The following GPR158 variants were observed in gnomAD, a reference collection of about 807,000 sequenced individuals.
The protein encoded by GPR158 is G protein-coupled receptor 158, also known as metabotropic glycine receptor.
Under a neutral mutation model 78.2 loss-of-function variants are expected in GPR158, and 30 were observed. The ratio of observed to expected loss-of-function variants is 0.38; its 90% CI spans 0.29 to 0.52. The LOEUF is 0.52. GPR158 is among the 20% of genes least tolerant of loss of function. The probability of loss-of-function intolerance (pLI) is 0.83; values close to 1 mark genes in which losing one functional copy is unlikely to be tolerated. For synonymous variants in GPR158, 581 were observed against 591.1 expected (o/e 0.98, Z 0.25); for missense variants, 1,463 against 1,523.5 (o/e 0.96, Z 0.66).
At chr10:25,361,118 A>G (rs933193624) in intron 2 of GPR158, among the ~76,000 whole-genome samples, 1 of 151,676 alleles carries the variant, frequency 6.6e-6, no homozygotes, top group African/African-American at 2.4e-5. Flanking sequence ...GGTAATAACC[A>G]TTCTACTACT....
chr10:25,324,393 A>T (rs572324804), intron 2 of GPR158, among the ~76,000 whole-genome samples: 2 of 152,318 alleles, frequency 1.3e-5, no homozygotes, highest in South Asian at 4.2e-4. Flanking sequence ...CCCAGGAGTG[A>T]GGAGTGGAAG....
chr10:25,241,142 TTTCTTTCTTTCTTTCTTTC>T (rs1853601621), intron 2 of GPR158, among the ~76,000 whole-genome samples: 1 of 94,540 alleles, frequency 1.1e-5, no homozygotes, highest in Admixed American at 1.1e-4. Flanking sequence ...TCTTTCTTTC[TTTCTTTCTTTCTTTCTTTC>T]TTTCTTTCTT....
chr10:25,497,905 T>C (rs1168248802), intron 5 of GPR158, among the ~76,000 whole-genome samples: 2 of 152,232 alleles, frequency 1.3e-5, no homozygotes, highest in African/African-American at 2.4e-5. Context: ...ATATTATCAG[T>C]ATCACTAAAC....
At chr10:25,586,611 C>T (rs1315339075) in intron 7 of GPR158, among the ~76,000 whole-genome samples, 1 of 151,930 alleles carries the variant, frequency 6.6e-6, no homozygotes, top group Non-Finnish European at 1.5e-5. Context: ...CAGGGTTTCA[C>T]CAATGTTAGC....
At chr10:25,214,805 C>A (rs940749570) in intron 1 of GPR158, among the ~76,000 whole-genome samples, 1 of 151,836 alleles carries the variant, frequency 6.6e-6, no homozygotes, top group African/African-American at 2.4e-5. Flanking sequence ...GAGAAGATGG[C>A]CATTTACAAG....
At chr10:25,437,184 A>G (rs1213797392) in intron 4 of GPR158, among the ~76,000 whole-genome samples, 2 of 152,178 alleles carry the variant, frequency 1.3e-5, no homozygotes, top group African/African-American at 4.8e-5. Context: ...TTTCTTTATT[A>G]CATTTAGGAA....
At chr10:25,528,297 C>T (rs4316420) in intron 5 of GPR158, among the ~76,000 whole-genome samples, 15,171 of 151,542 alleles carry the variant, frequency 0.1, 1,058 homozygotes, top group African/African-American at 0.19. Flanking sequence ...ATCAAAATTC[C>T]TTAACAAAGT....
intron 2 of GPR158, among the ~76,000 whole-genome samples, chr10:25,326,205 G>A (rs1041055008): frequency 6.6e-6 from 1 of 152,154 alleles, no homozygotes; most frequent in Non-Finnish European, 1.5e-5. Flanking sequence ...AACATGTAGT[G>A]TGTGGTTTTC....
chr10:25,319,213 A>C (rs1350664003), intron 2 of GPR158, among the ~76,000 whole-genome samples: 1 of 152,092 alleles, frequency 6.6e-6, no homozygotes, highest in Admixed American at 6.5e-5. Flanking sequence ...TATCCACCAG[A>C]ATTCTTTTCT....
chr10:25,466,755 T>G, intron 5 of GPR158, 36 bp downstream of exon 5: 1 of 1,173,306 alleles, frequency 8.5e-7, no homozygotes, highest in Middle Eastern at 2.0e-4. Context: ...AGTAGAAATT[T>G]ATTTTATGTT....
intron 4 of GPR158, among the ~76,000 whole-genome samples, chr10:25,413,130 G>A (rs1463125699): frequency 6.6e-6 from 1 of 151,942 alleles, no homozygotes; most frequent in Non-Finnish European, 1.5e-5. Context: ...AGACCAGCCT[G>A]ACCAACATAG....
Position 25,467,976 on chromosome 10 carries a change from A to C in GPR158, c.1404+1257A>C, listed in dbSNP as rs141320978. Among the ~76,000 whole-genome samples, 476 of 152,180 alleles carry C rather than the reference A, an allele frequency of 3.1e-3. 1 individual carries two copies. Among genetic ancestry groups the C allele is most frequent in the African/African-American group, 9.6e-3 (400 of 41,540 alleles). On this transcript the variant is annotated intron_variant, in intron 5 of 10. Coordinates refer to ENST00000376351, the MANE Select transcript of GPR158 (RefSeq NM_020752.3). ...TGTTGATGTACATGTGCTGCCTAGC[A>C]TTAGATATGAATTCTGCCTAATGGC...
intron 2 of GPR158, among the ~76,000 whole-genome samples, chr10:25,379,665 T>TTC (rs33927038): frequency 6.7e-6 from 1 of 150,206 alleles, no homozygotes; most frequent in Admixed American, 6.6e-5. Flanking sequence ...TTTTTTTTTT[T>TTC]CTGTACTTCC....
In GPR158 at chr10:25,238,080, T is replaced by C. The variant is rs187456359; in HGVS notation, c.1008+16923T>C. On this transcript the variant is annotated intron_variant, in intron 2 of 10. Coordinates refer to ENST00000376351, the MANE Select transcript of GPR158 (RefSeq NM_020752.3). ...TCTTTTCTCTCCTTCTTCTTCCTTC[T>C]TTTTCTTTTTTAGTAATCGCTACTT... Among the ~76,000 whole-genome samples the C allele has an allele frequency of 1.3e-3, 203 of 152,250 alleles. 1 individual carries two copies. The South Asian group carries it at 0.018, about 13-fold the overall frequency.
chr10:25,515,343 G>A (rs1294105041), intron 5 of GPR158, among the ~76,000 whole-genome samples: 1 of 151,258 alleles, frequency 6.6e-6, no homozygotes, highest in East Asian at 1.9e-4. Flanking sequence ...TTTAGAAATT[G>A]TGATTGTTTT....
chr10:25,351,136 C>A (rs1002771863), intron 2 of GPR158, among the ~76,000 whole-genome samples: 1 of 151,930 alleles, frequency 6.6e-6, no homozygotes, highest in African/African-American at 2.4e-5. Context: ...GCACCCCCTT[C>A]TCTATAAACA....
In GPR158 at chr10:25,176,720, GCCTCA is replaced by G. The variant is rs1360602373; in HGVS notation, c.902+399_902+403del. On this transcript the variant is annotated intron_variant, in intron 1 of 10. Coordinates refer to ENST00000376351, the MANE Select transcript of GPR158 (RefSeq NM_020752.3). The surrounding 1 kb of genome is among the most constrained non-coding windows in gnomAD (Gnocchi z 6.3). ...GCCGGGTGTGTCCGCGGAGTGGCAA[GCCTCA>G]GATGAGAGGCGAAAAGGGAGCAGGA... 6.6e-6 allele frequency among the ~76,000 whole-genome samples: 1 copy of G among 152,248 alleles called. No homozygotes were observed. The highest frequency in any genetic ancestry group is 6.5e-5 in the Admixed American group (1 of 15,288).
intron 7 of GPR158, among the ~76,000 whole-genome samples, chr10:25,581,902 A>G (rs919204540): frequency 2.0e-5 from 3 of 152,206 alleles, no homozygotes; most frequent in African/African-American, 7.2e-5. Context: ...TTAAAAAAAA[A>G]GTTTAATGGA....
chr10:25,257,009 T>C (rs1007286534), intron 2 of GPR158, among the ~76,000 whole-genome samples: 2 of 152,208 alleles, frequency 1.3e-5, no homozygotes, highest in African/African-American at 4.8e-5. Flanking sequence ...CATATATGTC[T>C]TAGTTCATTT....
Sources: allele counts gnomAD v4.1 joint callset (sites outside exome capture counted in the v4.1 genomes callset), GRCh38; gene constraint gnomAD v4.1.1; non-coding constraint Gnocchi (gnomAD v3.1); transcripts MANE v1.5; gene names NCBI Gene and HGNC (gene_info 2026-07-23, HGNC 2026-07-21).